Variants in UBE2E2 observed in about 807,000 individuals in gnomAD.
UBE2E2 encodes ubiquitin-conjugating enzyme E2 E2.
UBE2E2 carries 6 observed loss-of-function variants against 24.7 expected under a neutral mutation model. The ratio of observed to expected loss-of-function variants is 0.24; its 90% CI spans 0.13 to 0.48. The LOEUF (loss-of-function observed/expected upper bound fraction) is 0.48, where lower values mean the gene tolerates loss of function less well. UBE2E2 is among the 20% of genes least tolerant of loss of function. The probability of loss-of-function intolerance (pLI) is 0.99; values close to 1 mark genes in which losing one functional copy is unlikely to be tolerated. For missense variants in UBE2E2, 169 were observed against 245.0 expected (o/e 0.69, Z 2.07); for synonymous variants, 104 against 83.6 (o/e 1.24, Z -1.33).
chr3:23,361,580 G>A (rs1348131812), intron 3 of UBE2E2, among the ~76,000 whole-genome samples: 4 of 152,194 alleles, frequency 2.6e-5, no homozygotes, highest in Non-Finnish European at 5.9e-5. Context: ...CTCAGAAATG[G>A]AAAACCAAAT....
intron 3 of UBE2E2, among the ~76,000 whole-genome samples, chr3:23,219,049 CTACTT>C (rs1246230985): frequency 2.6e-5 from 4 of 152,094 alleles, no homozygotes; most frequent in Admixed American, 6.6e-5. Context: ...GGGAAGATAT[CTACTT>C]TAGTTAATTT....
At chr3:23,322,643 T>G (rs1694775701) in intron 3 of UBE2E2, among the ~76,000 whole-genome samples, 1 of 152,216 alleles carries the variant, frequency 6.6e-6, no homozygotes, top group African/African-American at 2.4e-5. Context: ...ACCCTCATCA[T>G]TTTGATGAAG....
chr3:23,490,775 A>G (rs1469605910), intron 3 of UBE2E2, among the ~76,000 whole-genome samples: 1 of 152,128 alleles, frequency 6.6e-6, no homozygotes, highest in South Asian at 2.1e-4. Flanking sequence ...TTTTTCTTCT[A>G]TTTCTTACTC....
intron 3 of UBE2E2, among the ~76,000 whole-genome samples, chr3:23,264,554 T>C (rs755388561): frequency 3.5e-4 from 54 of 152,130 alleles, no homozygotes; most frequent in Admixed American, 3.5e-3. Context: ...CCTCTTTTGA[T>C]CCCACAAAGA....
chr3:23,209,204 G>A (rs758820256), intron 2 of UBE2E2, among the ~76,000 whole-genome samples: 32 of 152,036 alleles, frequency 2.1e-4, no homozygotes, highest in African/African-American at 4.1e-4. Context: ...TTTTTTTTCT[G>A]TTCAGTAACA....
At chr3:23,265,741 T>G (rs1698030574) in intron 3 of UBE2E2, among the ~76,000 whole-genome samples, 1 of 152,132 alleles carries the variant, frequency 6.6e-6, no homozygotes, top group African/African-American at 2.4e-5. Context: ...ATGTTGACAG[T>G]GGGGTGTTAA....
chr3:23,549,185 G>T (rs1036304113), intron 5 of UBE2E2, among the ~76,000 whole-genome samples: 2 of 152,218 alleles, frequency 1.3e-5, no homozygotes, highest in Non-Finnish European at 2.9e-5. Flanking sequence ...ATGTTCTAAA[G>T]TTCTTTCTTT....
intron 3 of UBE2E2, among the ~76,000 whole-genome samples, chr3:23,392,904 A>G (rs1235578842): frequency 6.6e-6 from 1 of 152,234 alleles, no homozygotes; most frequent in Non-Finnish European, 1.5e-5. Context: ...TGAGAACAGC[A>G]AGTCTGAAGG....
Position 23,474,957 on chromosome 3 carries a change from C to G in UBE2E2, c.228-24651C>G. Among the ~76,000 whole-genome samples, 1 of 152,080 alleles carries G rather than the reference C, an allele frequency of 6.6e-6. No individual in the cohort carries two copies. Among genetic ancestry groups the G allele is most frequent in the East Asian group, 1.9e-4 (1 of 5,192 alleles). On this transcript the variant is annotated intron_variant, in intron 3 of 5. Coordinates refer to ENST00000396703, the MANE Select transcript of UBE2E2 (RefSeq NM_152653.4). This position sits in a 1 kb window ranked among gnomAD's most constrained non-coding sequence, Gnocchi z 4.0. ...CACAACCGATGACAAGCATTTCACT[C>G]AAATTGCTCCTCTCAAAGTCACCAA...
intron 5 of UBE2E2, among the ~76,000 whole-genome samples, chr3:23,533,504 G>T (rs896585057): frequency 6.6e-6 from 1 of 152,048 alleles, no homozygotes. Context: ...ACGAGTATCA[G>T]TGGGGTTGCT....
chr3:23,589,716 A>C lies in UBE2E2; in HGVS notation c.509-18A>C. ...CAGTGCTGGTATTTACTGACTCCCA[A>C]CTCTGCTTTCCTTGCAGCTGACCCT... On this transcript the variant is annotated intron_variant, in intron 5 of 5. Transcript: ENST00000396703. This position sits in a 1 kb window ranked among gnomAD's most constrained non-coding sequence, Gnocchi z 4.1. 1 of 1,612,858 alleles carries C rather than the reference A, an allele frequency of 6.2e-7. No homozygotes were observed. The highest frequency in any genetic ancestry group is 8.5e-7 in the Non-Finnish European group (1 of 1,179,276).
chr3:23,404,000 A>G (rs2173058), intron 3 of UBE2E2, among the ~76,000 whole-genome samples: 24,358 of 152,028 alleles, frequency 0.16, 2,214 homozygotes, highest in African/African-American at 0.24. Context: ...CCCCATTGCC[A>G]TCTCATTTTC....
chr3:23,204,583 C>T (rs1193165099), intron 1 of UBE2E2: 1 of 591,596 alleles, frequency 1.7e-6, no homozygotes. Flanking sequence ...GCCTTTACTA[C>T]GGCAATTTGG....
chr3:23,387,911 A>G (rs544658186), intron 3 of UBE2E2, among the ~76,000 whole-genome samples: 6 of 152,298 alleles, frequency 3.9e-5, no homozygotes, highest in South Asian at 2.1e-4. Flanking sequence ...TTGTCTTTCA[A>G]TGTGATCTAA....
chr3:23,541,352 C>G (rs1695393180), intron 5 of UBE2E2, among the ~76,000 whole-genome samples: 1 of 152,174 alleles, frequency 6.6e-6, no homozygotes, highest in African/African-American at 2.4e-5. Flanking sequence ...AAAGCGCTTC[C>G]AAAATGTCAG....
intron 3 of UBE2E2, among the ~76,000 whole-genome samples, chr3:23,458,695 G>GTGT (rs1698738350): frequency 6.6e-6 from 1 of 152,100 alleles, no homozygotes. Flanking sequence ...AGGATTACAG[G>GTGT]TGTGAGCCAC....
intron 5 of UBE2E2, among the ~76,000 whole-genome samples, chr3:23,575,091 T>G (rs907408675): frequency 6.6e-5 from 10 of 152,192 alleles, no homozygotes; most frequent in African/African-American, 2.2e-4. Flanking sequence ...CCTTTTAACA[T>G]GTGGTGGCTG....
In UBE2E2 at chr3:23,366,077, G is replaced by T. The variant is rs550690128; in HGVS notation, c.228-133531G>T. 4.6e-5 allele frequency among the ~76,000 whole-genome samples: 7 copies of T among 151,968 alleles called. No homozygotes were observed. In the East Asian group the frequency reaches 1.3e-3, roughly 29 times the overall value. On this transcript the variant is annotated intron_variant, in intron 3 of 5. Coordinates refer to ENST00000396703, the MANE Select transcript of UBE2E2 (RefSeq NM_152653.4). ...CTAGCAATTTGCAGTAGATTGAAAC[G>T]AACCATTAGAGAAATGCAAATCAAA...
rs574305486 is a variant in UBE2E2, at chr3:23,220,081, G to A, written c.227+2769G>A. The stretch of plus-strand genomic sequence containing the variant: ...TTGTGCAAATCTGTTATTTAAAGAA[G>A]TTGAGACTATCAAGTCACCCCGAAT... On this transcript the variant is annotated intron_variant, in intron 3 of 5. Coordinates refer to ENST00000396703, the MANE Select transcript of UBE2E2 (RefSeq NM_152653.4). Among the ~76,000 whole-genome samples, 5 of 152,252 alleles carry A rather than the reference G, an allele frequency of 3.3e-5. No individual in the cohort carries two copies. In the South Asian group the frequency reaches 1.0e-3, roughly 32 times the overall value.
Sources: allele counts gnomAD v4.1 joint callset (sites outside exome capture counted in the v4.1 genomes callset), GRCh38; gene constraint gnomAD v4.1.1; non-coding constraint Gnocchi (gnomAD v3.1); transcripts MANE v1.5; gene names NCBI Gene and HGNC (gene_info 2026-07-23, HGNC 2026-07-21).